The following FUT9 variants were observed in gnomAD, a reference collection of about 807,000 sequenced individuals.
FUT9 encodes fucosyltransferase 9.
FUT9 carries 15 observed loss-of-function variants against 29.7 expected under a neutral mutation model. The observed-to-expected ratio is 0.51, with a 90% CI of 0.34 to 0.78. FUT9 has a LOEUF of 0.78. Ranked by LOEUF, FUT9 falls within the 30% of genes least tolerant of loss-of-function variation. The probability of loss-of-function intolerance (pLI) is 0.01; values close to 1 mark genes in which losing one functional copy is unlikely to be tolerated. For synonymous variants in FUT9, 169 were observed against 153.7 expected (o/e 1.10, Z -0.74); for missense variants, 319 against 425.4 (o/e 0.75, Z 2.20).
rs527874334 is a variant in FUT9, at chr6:96,049,807, T to C, written c.-98+33595T>C. On this transcript the variant is annotated intron_variant, in intron 1 of 2. Coordinates refer to ENST00000302103, the MANE Select transcript of FUT9 (RefSeq NM_006581.4). Reference sequence around the variant, plus strand: ...AGAGAGAACAAGAAATTTGGAATAATTATAACAAGATGATAATGAAAGGGT... The same window carrying C: ...AGAGAGAACAAGAAATTTGGAATAACTATAACAAGATGATAATGAAAGGGT... Among the ~76,000 whole-genome samples, 3 of 152,294 alleles carry C rather than the reference T, an allele frequency of 2.0e-5. No individual in the cohort carries two copies. In the South Asian group the frequency reaches 6.2e-4, roughly 32 times the overall value.
chr6:96,028,287 A>G (rs1171679055), intron 1 of FUT9, among the ~76,000 whole-genome samples: 1 of 151,678 alleles, frequency 6.6e-6, no homozygotes, highest in Admixed American at 6.6e-5. Flanking sequence ...GTAACCAGAT[A>G]TAACTGGGTT....
intron 2 of FUT9, among the ~76,000 whole-genome samples, chr6:96,173,160 T>C (rs1288475387): frequency 6.6e-6 from 1 of 152,132 alleles, no homozygotes; most frequent in African/African-American, 2.4e-5. Context: ...TGCTGATTTT[T>C]CTTCAGATAT....
At chr6:96,073,448 C>CA (rs58982988) in intron 1 of FUT9, among the ~76,000 whole-genome samples, 2,000 of 60,548 alleles carry the variant, frequency 0.033, 19 homozygotes, top group Middle Eastern at 0.11. Context: ...GACTCCGTCT[C>CA]AAAAAAAAAA....
At position 96,214,967 on chromosome 6, in the gene FUT9, G is replaced by A. The variant is rs118056166; in HGVS notation, c.*10732G>A. 9.1e-3 allele frequency: 1,525 copies of A among 167,020 alleles called. 8 individuals are homozygous for A. Among genetic ancestry groups the A allele is most frequent in the Non-Finnish European group, 0.015 (1,012 of 68,040 alleles). 10.3% of individuals were successfully genotyped at this position (167,020 alleles called of 1,614,324 possible). ...GCAGCTGAGTCCTGCTGCATCCTGG[G>A]AGCAAAGCATTAATTCAAATGAGGA... On this transcript the variant is annotated 3_prime_UTR_variant, in exon 3 of 3. Transcript: ENST00000302103.
At chr6:96,188,220 C>A (rs1773438905) in intron 2 of FUT9, among the ~76,000 whole-genome samples, 1 of 152,068 alleles carries the variant, frequency 6.6e-6, no homozygotes, top group Non-Finnish European at 1.5e-5. Context: ...GTCTTTGCAA[C>A]TGTTAACTGG....
chr6:96,186,796 G>T (rs1773413708), intron 2 of FUT9, among the ~76,000 whole-genome samples: 1 of 152,088 alleles, frequency 6.6e-6, no homozygotes, highest in African/African-American at 2.4e-5. Flanking sequence ...AGTTCAACCA[G>T]TCAGGCAGAC....
intron 2 of FUT9, among the ~76,000 whole-genome samples, chr6:96,140,331 C>T (rs1032485347): frequency 6.6e-6 from 1 of 152,164 alleles, no homozygotes; most frequent in Non-Finnish European, 1.5e-5. Flanking sequence ...GTCTTCTGAG[C>T]CTTCCAAGTC....
intron 1 of FUT9, among the ~76,000 whole-genome samples, chr6:96,034,470 A>G (rs1267547236): frequency 6.6e-6 from 1 of 151,792 alleles, no homozygotes; most frequent in African/African-American, 2.4e-5. Context: ...ACCATAAAGT[A>G]TAATTCATGT....
chr6:96,078,158 C>T (rs1771170756), intron 1 of FUT9, among the ~76,000 whole-genome samples: 1 of 152,026 alleles, frequency 6.6e-6, no homozygotes, highest in South Asian at 2.1e-4. Context: ...TTACAACTTT[C>T]TCCCTTTCAA....
chr6:96,096,083 A>G (rs552274090), intron 1 of FUT9, among the ~76,000 whole-genome samples: 1 of 152,278 alleles, frequency 6.6e-6, no homozygotes, highest in African/African-American at 2.4e-5. Context: ...CAATGTCTCT[A>G]CTTGGAAGTC....
At chr6:96,189,337 C>T (rs1004527545) in intron 2 of FUT9, among the ~76,000 whole-genome samples, 1 of 147,054 alleles carries the variant, frequency 6.8e-6, no homozygotes, top group Non-Finnish European at 1.5e-5. Context: ...TCATCCAGGG[C>T]TCCTTAAGCT....
chr6:96,130,950 A>G (rs1772232207), intron 2 of FUT9, among the ~76,000 whole-genome samples: 1 of 152,272 alleles, frequency 6.6e-6, no homozygotes, highest in South Asian at 2.1e-4. Flanking sequence ...CTTTTTGAGG[A>G]ATCAGTACAC....
intron 1 of FUT9, among the ~76,000 whole-genome samples, chr6:96,112,285 A>G (rs1234401849): frequency 6.6e-6 from 1 of 152,224 alleles, no homozygotes. Flanking sequence ...TAATTATATG[A>G]CAATCACACA....
intron 1 of FUT9, among the ~76,000 whole-genome samples, chr6:96,042,805 T>G (rs2127933671): frequency 6.6e-6 from 1 of 152,280 alleles, no homozygotes; most frequent in South Asian, 2.1e-4. Context: ...ATACTTCCCA[T>G]TATTCTGTTC....
Position 96,205,053 on chromosome 6 carries a change from A to T in FUT9, c.*818A>T, listed in dbSNP as rs890641370. On this transcript the variant is annotated 3_prime_UTR_variant, in exon 3 of 3. Transcript: ENST00000302103. ...AAAACAAATAATTTCCTCAAATAAC[A>T]AAGAAAAATGATACCTATAAATATA... The T allele has an allele frequency of 6.0e-6, 1 of 166,564 alleles. No homozygotes were observed. The highest frequency in any genetic ancestry group is 1.5e-5 in the Non-Finnish European group (1 of 68,076). 10.3% of individuals were successfully genotyped at this position (166,564 alleles called of 1,614,324 possible). A position where few individuals can be genotyped will look rare whatever the true frequency, so the allele number is the denominator to read the frequency against.
chr6:96,023,977 A>G (rs1053773885), intron 1 of FUT9, among the ~76,000 whole-genome samples: 5 of 151,932 alleles, frequency 3.3e-5, no homozygotes, highest in Non-Finnish European at 5.9e-5. Context: ...CTCCCCAGGC[A>G]CTTAACTGAT....
At chr6:96,170,997 A>G (rs1307460005) in intron 2 of FUT9, among the ~76,000 whole-genome samples, 1 of 152,174 alleles carries the variant, frequency 6.6e-6, no homozygotes, top group Non-Finnish European at 1.5e-5. Flanking sequence ...TTTCAGCTGT[A>G]GTACTTTTGA....
In FUT9 at chr6:96,212,218, C is replaced by A. The variant is rs1353684194; in HGVS notation, c.*7983C>A. On this transcript the variant is annotated 3_prime_UTR_variant, in exon 3 of 3. Coordinates refer to ENST00000302103, the MANE Select transcript of FUT9 (RefSeq NM_006581.4). The stretch of plus-strand genomic sequence containing the variant: ...TCCAGTCTCAGATTGGCCTCATTAG[C>A]CACCTTCAGTTCCTTAAATGAGATA... 1.2e-5 allele frequency: 5 copies of A among 412,520 alleles called. No homozygotes were observed. The East Asian group carries it at 1.8e-4, about 15-fold the overall frequency. 25.6% of individuals were successfully genotyped at this position (412,520 alleles called of 1,614,324 possible).
At chr6:96,169,625 T>C (rs1773075522) in intron 2 of FUT9, among the ~76,000 whole-genome samples, 2 of 152,182 alleles carry the variant, frequency 1.3e-5, no homozygotes, top group South Asian at 4.1e-4. Context: ...TCATTTTAAA[T>C]GTAAGTCTTT....
Sources: allele counts gnomAD v4.1 joint callset (sites outside exome capture counted in the v4.1 genomes callset), GRCh38; gene constraint gnomAD v4.1.1; transcripts MANE v1.5; gene names NCBI Gene and HGNC (gene_info 2026-07-23, HGNC 2026-07-21).